XPO6: variants seen among roughly 807,000 people sequenced by gnomAD.
XPO6 encodes the protein exportin 6.
Under a neutral mutation model 130.0 loss-of-function variants are expected in XPO6, and 3 were observed. The ratio of observed to expected loss-of-function variants is 0.02; its 90% confidence interval spans 0.01 to 0.06. The LOEUF is 0.06. XPO6 is among the 10% of genes least tolerant of loss of function. XPO6 has a pLI of 1.00. For missense variants in XPO6, 970 were observed against 1,393.0 expected, an observed-to-expected ratio of 0.70 and a Z score of 4.83; for synonymous variants, 524 against 548.9, an observed-to-expected ratio of 0.95 and a Z score of 0.63.
intron 7 of XPO6, among the ~76,000 whole-genome samples, chr16:28,155,069 T>C (rs561062678): frequency 5.3e-5 from 8 of 152,226 alleles, no homozygotes; most frequent in Non-Finnish European, 7.3e-5. Flanking sequence ...TTTTTAATTT[T>C]AGAAATATTT....
intron 1 of XPO6, among the ~76,000 whole-genome samples, chr16:28,208,793 A>C (rs188922033): frequency 2.0e-5 from 3 of 152,358 alleles, no homozygotes; most frequent in East Asian, 3.9e-4. Flanking sequence ...TAAGTTTCCC[A>C]AGGGGAGGAA....
intron 1 of XPO6, among the ~76,000 whole-genome samples, chr16:28,209,449 G>A (rs992055071): frequency 2.0e-5 from 3 of 152,080 alleles, no homozygotes; most frequent in East Asian, 3.9e-4. Flanking sequence ...AGACCAGCCT[G>A]ACCAACATGG....
chr16:28,107,513 A>G lies in XPO6; in HGVS notation c.2497+9T>C. On this transcript the variant is annotated intron_variant, in intron 18 of 23. Coordinates refer to ENST00000304658, the MANE Select transcript of XPO6 (RefSeq NM_015171.4). ...CACCCACCAGTGGGGCCTCTGGGCCAGCTCCTACCTGACTGATGGATAAAA... is the reference window on the plus strand; with the variant it reads ...CACCCACCAGTGGGGCCTCTGGGCCGGCTCCTACCTGACTGATGGATAAAA... 1.9e-6 allele frequency: 3 copies of G among 1,613,972 alleles called. No individual in the cohort carries two copies. The highest frequency in any genetic ancestry group is 2.5e-6 in the Non-Finnish European group (3 of 1,179,884).
At chr16:28,148,491 C>G (rs1451300390) in intron 8 of XPO6, among the ~76,000 whole-genome samples, 1 of 152,142 alleles carries the variant, frequency 6.6e-6, no homozygotes, top group African/African-American at 2.4e-5. Context: ...GGACCTAGAC[C>G]CCAATTTACT....
chr16:28,120,262 T>A (rs2087199709), intron 14 of XPO6, among the ~76,000 whole-genome samples: 1 of 152,208 alleles, frequency 6.6e-6, no homozygotes, highest in African/African-American at 2.4e-5. Flanking sequence ...TTGGTTACTC[T>A]AGGCTAAGGG....
chr16:28,184,271 T>C (rs1181941830), intron 1 of XPO6, among the ~76,000 whole-genome samples: 1 of 152,218 alleles, frequency 6.6e-6, no homozygotes, highest in Admixed American at 6.5e-5. Context: ...TCTGACTGCC[T>C]CCTACCTTGT....
chr16:28,190,251 A>C (rs2043765094), intron 1 of XPO6, among the ~76,000 whole-genome samples: 1 of 147,710 alleles, frequency 6.8e-6, no homozygotes, highest in African/African-American at 2.5e-5. Context: ...GACTGAGTTT[A>C]GCTCTATCGC....
chr16:28,098,424 G>T lies in XPO6; in HGVS notation c.*114C>A, dbSNP rs8049992. 36 of 872,284 alleles carry T rather than the reference G, an allele frequency of 4.1e-5. No individual in the cohort carries two copies. Among genetic ancestry groups the T allele is most frequent in the Non-Finnish European group, 6.4e-5 (36 of 561,436 alleles). 54.0% of individuals were successfully genotyped at this position (872,284 alleles called of 1,614,324 possible). On this transcript the variant is annotated 3_prime_UTR_variant, in exon 24 of 24. Coordinates refer to ENST00000304658, the MANE Select transcript of XPO6 (RefSeq NM_015171.4). ...GGCAGAGGCAGGCAGCGTTGCTTGC[G>T]GTGGGAGAAGCCAAGGAGTGTGACC...
chr16:28,148,350 A>G (rs1489082230), intron 8 of XPO6, among the ~76,000 whole-genome samples: 5 of 152,178 alleles, frequency 3.3e-5, no homozygotes, highest in Non-Finnish European at 7.4e-5. Context: ...TGCACTGCCC[A>G]CAGGCCGCCC....
intron 6 of XPO6, among the ~76,000 whole-genome samples, chr16:28,158,787 G>C (rs976542313): frequency 1.3e-5 from 2 of 152,094 alleles, no homozygotes; most frequent in African/African-American, 2.4e-5. Context: ...TGGGGCCCAG[G>C]AATCTGTGTT....
In XPO6 at chr16:28,175,114, G is replaced by A. The variant is rs537954385; in HGVS notation, c.405+784C>T. Reference sequence around the variant, plus strand: ...ACCCTGGCCTGAAAAATCTATCTGAGCCAGAAAACTGGAAGTCATTCTAGA... The same window carrying A: ...ACCCTGGCCTGAAAAATCTATCTGAACCAGAAAACTGGAAGTCATTCTAGA... On this transcript the variant is annotated intron_variant, in intron 4 of 23. Coordinates refer to ENST00000304658, the MANE Select transcript of XPO6 (RefSeq NM_015171.4). Among the ~76,000 whole-genome samples the A allele has an allele frequency of 4.6e-5, 7 of 152,094 alleles. No homozygotes were observed. In the East Asian group the frequency reaches 1.4e-3, roughly 29 times the overall value.
At chr16:28,196,237 T>C (rs1471744766) in intron 1 of XPO6, among the ~76,000 whole-genome samples, 2 of 152,212 alleles carry the variant, frequency 1.3e-5, no homozygotes, top group Non-Finnish European at 2.9e-5. Flanking sequence ...CTGCCACAGA[T>C]GGATTTCTAT....
At chr16:28,159,625 G>C (rs956953374) in intron 6 of XPO6, among the ~76,000 whole-genome samples, 2 of 152,190 alleles carry the variant, frequency 1.3e-5, no homozygotes, top group Non-Finnish European at 2.9e-5. Flanking sequence ...AAATTACATA[G>C]AGACTCAAGA....
chr16:28,126,231 G>A (rs1168678059), intron 12 of XPO6, among the ~76,000 whole-genome samples: 2 of 152,150 alleles, frequency 1.3e-5, no homozygotes, highest in African/African-American at 4.8e-5. Context: ...ACATTTCCGG[G>A]GCAAGGCTGG....
rs1364118837 is a variant in XPO6, at chr16:28,206,391, A to G, written c.3+4975T>C. The stretch of plus-strand genomic sequence containing the variant: ...CCCACTCTCTACAAAAAATAAAAAT[A>G]AAAAAATTAGCTGGGCATGGTGGCA... On this transcript the variant is annotated intron_variant, in intron 1 of 23. Coordinates refer to ENST00000304658, the MANE Select transcript of XPO6 (RefSeq NM_015171.4). Among the ~76,000 whole-genome samples the G allele has an allele frequency of 2.0e-5, 3 of 152,084 alleles. No individual in the cohort carries two copies. In the East Asian group the frequency reaches 5.8e-4, roughly 29 times the overall value.
intron 1 of XPO6, among the ~76,000 whole-genome samples, chr16:28,202,530 G>A (rs142922602): frequency 3.9e-5 from 6 of 152,238 alleles, no homozygotes; most frequent in African/African-American, 1.2e-4. Flanking sequence ...ACACAGATAC[G>A]TTAGCAGCAG....
rs747709388 is a variant in XPO6, at chr16:28,101,152, C to A, written c.3276+306G>T. On this transcript the variant is annotated intron_variant, in intron 23 of 23. Transcript: ENST00000304658. The surrounding 1 kb of genome is among the most constrained non-coding windows in gnomAD (Gnocchi z 5.4). ...GGGGCTCATCACCCAGGAGGGAGAA[C>A]GGCAGGGTCCTGGGTATGAACAAAG... The A allele has an allele frequency of 8.9e-6, 4 of 449,316 alleles. No individual in the cohort carries two copies. The highest frequency in any genetic ancestry group is 6.1e-5 in the South Asian group (3 of 48,860). 27.8% of individuals were successfully genotyped at this position (449,316 alleles called of 1,614,324 possible). A position where few individuals can be genotyped will look rare whatever the true frequency, so the allele number is the denominator to read the frequency against.
chr16:28,169,506 T>C (rs902025793), intron 5 of XPO6, among the ~76,000 whole-genome samples: 2 of 152,212 alleles, frequency 1.3e-5, no homozygotes, highest in Non-Finnish European at 2.9e-5. Context: ...GGACTCTACC[T>C]CACTGATCAC....
At chr16:28,100,125 T>A (rs1478707467) in intron 23 of XPO6, among the ~76,000 whole-genome samples, 5 of 152,104 alleles carry the variant, frequency 3.3e-5, no homozygotes. Flanking sequence ...GCAGCTGGGA[T>A]TACAGGCGTG....
Sources: gnomAD v4.1 joint callset for allele counts (sites outside exome capture counted in the v4.1 genomes callset) on GRCh38, gnomAD v4.1.1 for gene constraint, Gnocchi (gnomAD v3.1) non-coding constraint, MANE v1.5 for transcripts, NCBI Gene and HGNC (gene_info 2026-07-23, HGNC 2026-07-21) for gene names.